The following UBE2E2 variants were observed in gnomAD, a reference collection of about 807,000 sequenced individuals.
The protein encoded by UBE2E2 is ubiquitin conjugating enzyme E2 E2, also known as ubiquitin-conjugating enzyme E2 E2.
In UBE2E2, 6 loss-of-function variants were observed where a neutral mutation model predicts 24.7. That is an observed-to-expected ratio of 0.24 (90% confidence interval 0.13 to 0.48). The LOEUF is 0.48. UBE2E2 is among the 20% of genes least tolerant of loss of function. UBE2E2 has a pLI of 0.99. For missense variants in UBE2E2, 169 were observed against 245.0 expected (o/e 0.69, Z 2.07); for synonymous variants, 104 against 83.6 (o/e 1.24, Z -1.33).
intron 3 of UBE2E2, among the ~76,000 whole-genome samples, chr3:23,356,216 A>C (rs911133875): frequency 6.6e-6 from 1 of 152,210 alleles, no homozygotes. Flanking sequence ...GAGTCAGGGA[A>C]CATTATGGTA....
At chr3:23,218,488 C>T (rs1696541605) in intron 3 of UBE2E2, among the ~76,000 whole-genome samples, 1 of 151,800 alleles carries the variant, frequency 6.6e-6, no homozygotes, top group South Asian at 2.1e-4. Flanking sequence ...GTGGAAAAAC[C>T]CCAGTTTGAA....
At chr3:23,444,898 G>A (rs896347798) in intron 3 of UBE2E2, among the ~76,000 whole-genome samples, 3 of 152,220 alleles carry the variant, frequency 2.0e-5, no homozygotes, top group Non-Finnish European at 4.4e-5. Flanking sequence ...TGGAATGGTG[G>A]TGGTAGCAGA....
intron 5 of UBE2E2, chr3:23,534,127 G>A (rs1243949419): frequency 7.6e-6 from 4 of 526,120 alleles, no homozygotes; most frequent in African/African-American, 2.7e-5. Context: ...TTGCAAGAAG[G>A]CTTTTTTTTT....
chr3:23,528,191 T>A (rs916000062), intron 4 of UBE2E2, among the ~76,000 whole-genome samples: 7 of 152,218 alleles, frequency 4.6e-5, no homozygotes, highest in Non-Finnish European at 7.3e-5. Context: ...GTCACAGAAG[T>A]CTTCTGTGTT....
At chr3:23,330,855 A>G (rs1695039099) in intron 3 of UBE2E2, among the ~76,000 whole-genome samples, 1 of 152,194 alleles carries the variant, frequency 6.6e-6, no homozygotes, top group Non-Finnish European at 1.5e-5. Context: ...AAAGTATATA[A>G]GAAAGGATTT....
At chr3:23,333,860 C>CTT (rs1389638611) in intron 3 of UBE2E2, among the ~76,000 whole-genome samples, 1 of 152,014 alleles carries the variant, frequency 6.6e-6, no homozygotes, top group Non-Finnish European at 1.5e-5. Context: ...ATAAATCAAG[C>CTT]TTTGTAAAGG....
At chr3:23,546,992 T>A (rs1453646170) in intron 5 of UBE2E2, among the ~76,000 whole-genome samples, 2 of 152,198 alleles carry the variant, frequency 1.3e-5, no homozygotes, top group African/African-American at 4.8e-5. Context: ...TGACTTGGAT[T>A]ATTCTGTTTC....
intron 5 of UBE2E2, among the ~76,000 whole-genome samples, chr3:23,567,189 C>T (rs558092664): frequency 2.0e-5 from 3 of 152,250 alleles, no homozygotes; most frequent in Admixed American, 6.5e-5. Context: ...ATATGCTTCC[C>T]GTGATGTGTT....
Position 23,283,415 on chromosome 3 carries a change from G to A in UBE2E2, c.227+66103G>A, listed in dbSNP as rs575678104. ...TCAAAACAAATGCCATATCATACAC[G>A]TATGCAAGCTTTCAGAAATTTAGGT... is the stretch of plus-strand genomic sequence containing the variant. On this transcript the variant is annotated intron_variant, in intron 3 of 5. Coordinates refer to ENST00000396703, the MANE Select transcript of UBE2E2 (RefSeq NM_152653.4). Among the ~76,000 whole-genome samples, 3 of 152,144 alleles carry A rather than the reference G, an allele frequency of 2.0e-5. 1 individual carries two copies. Among genetic ancestry groups the A allele is most frequent in the South Asian group, 4.2e-4 (2 of 4,812 alleles).
rs1308670941 is a variant in UBE2E2, at chr3:23,363,145, G to T, written c.228-136463G>T. ...ACTTGCTTTACAAGATGTCTTGAAG[G>T]GAGTGCTAGATATAGAAAGGAAAGA... On this transcript the variant is annotated intron_variant, in intron 3 of 5. Coordinates refer to ENST00000396703, the MANE Select transcript of UBE2E2 (RefSeq NM_152653.4). Among the ~76,000 whole-genome samples the T allele has an allele frequency of 2.6e-5, 4 of 152,290 alleles. No homozygotes were observed. The East Asian group carries it at 7.7e-4, about 29-fold the overall frequency.
intron 3 of UBE2E2, among the ~76,000 whole-genome samples, chr3:23,248,478 A>G (rs1457312683): frequency 1.3e-5 from 2 of 152,272 alleles, no homozygotes; most frequent in Admixed American, 6.5e-5. Flanking sequence ...AATTTAGAAC[A>G]TTCAGCACAA....
intron 3 of UBE2E2, among the ~76,000 whole-genome samples, chr3:23,246,808 A>C (rs537768230): frequency 6.6e-6 from 1 of 152,216 alleles, no homozygotes; most frequent in Admixed American, 6.5e-5. Context: ...ATGACAAAGC[A>C]TGTGGATCAT....
chr3:23,582,894 T>TGTGTG (rs1553622746), intron 5 of UBE2E2, among the ~76,000 whole-genome samples: 1 of 112,882 alleles, frequency 8.9e-6, no homozygotes. Flanking sequence ...TGTGTGTGTG[T>TGTGTG]TGTGTGTTTG....
intron 3 of UBE2E2, among the ~76,000 whole-genome samples, chr3:23,357,477 T>C (rs948646099): frequency 2.0e-5 from 3 of 152,148 alleles, no homozygotes; most frequent in African/African-American, 7.2e-5. Context: ...TTTGATTCTT[T>C]TTCAGTTCTT....
At chr3:23,501,685 T>C (rs529474113) in intron 4 of UBE2E2, among the ~76,000 whole-genome samples, 1 of 152,214 alleles carries the variant, frequency 6.6e-6, no homozygotes, top group South Asian at 2.1e-4. Context: ...GGGACAAAAA[T>C]AGAAGCAGGA....
At chr3:23,387,170 A>G (rs144359906) in intron 3 of UBE2E2, among the ~76,000 whole-genome samples, 438 of 152,306 alleles carry the variant, frequency 2.9e-3, no homozygotes, top group African/African-American at 1.0e-2. Flanking sequence ...GGAAGACTAA[A>G]TGTAGTATTC....
chr3:23,292,689 C>G (rs1299318792), intron 3 of UBE2E2, among the ~76,000 whole-genome samples: 1 of 152,240 alleles, frequency 6.6e-6, no homozygotes, highest in African/African-American at 2.4e-5. Context: ...ACTAGACAGC[C>G]TTGGCTCTGC....
intron 3 of UBE2E2, among the ~76,000 whole-genome samples, chr3:23,217,775 T>C (rs1156964198): frequency 6.6e-6 from 1 of 152,076 alleles, no homozygotes; most frequent in African/African-American, 2.4e-5. Context: ...TGTGACTAGG[T>C]AAGAATGGGT....
intron 3 of UBE2E2, among the ~76,000 whole-genome samples, chr3:23,247,821 C>T (rs530981357): frequency 1.3e-5 from 2 of 152,268 alleles, no homozygotes; most frequent in South Asian, 2.1e-4. Context: ...CCTTCTTCCT[C>T]CCCTCCCCCT....
Sources: allele counts gnomAD v4.1 joint callset (sites outside exome capture counted in the v4.1 genomes callset), GRCh38; gene constraint gnomAD v4.1.1; transcripts MANE v1.5; gene names NCBI Gene and HGNC (gene_info 2026-07-23, HGNC 2026-07-21).